RGS6: variants seen among roughly 807,000 people sequenced by gnomAD.
RGS6 encodes the protein regulator of G protein signaling 6.
Under a neutral mutation model 78.5 loss-of-function variants are expected in RGS6, and 30 were observed. The observed-to-expected ratio is 0.38, with a 90% CI of 0.29 to 0.52. The LOEUF is 0.52. Among genes scored for constraint, RGS6 ranks in the 20% least tolerant of loss-of-function variants. The probability of loss-of-function intolerance (pLI) is 0.85; values close to 1 mark genes in which losing one functional copy is unlikely to be tolerated. For synonymous variants in RGS6, 206 were observed against 206.0 expected (o/e 1.00, Z 0.00); for missense variants, 495 against 609.7 (o/e 0.81, Z 1.98).
At chr14:71,923,984 G>A in the RGS6 span, among the ~76,000 whole-genome samples, 7 of 152,208 alleles carry the variant, frequency 4.6e-5, no homozygotes, top group African/African-American at 2.4e-5. Flanking sequence ...GTAATCTGCC[G>A]AGGATTTTGT....
chr14:72,444,988 C>T (rs2095327026), intron 3 of RGS6, among the ~76,000 whole-genome samples: 1 of 132,012 alleles, frequency 7.6e-6, no homozygotes, highest in Admixed American at 8.0e-5. Context: ...GCCAGTTGAG[C>T]AGCGAGGACA....
chr14:72,327,931 A>G (rs181580781), intron 2 of RGS6, among the ~76,000 whole-genome samples: 1 of 152,268 alleles, frequency 6.6e-6, no homozygotes, highest in East Asian at 1.9e-4. Context: ...ATATATATAT[A>G]TAAGGATTTA....
chr14:72,075,574 A>G (rs1440774053), intron 2 of RGS6, among the ~76,000 whole-genome samples: 1 of 152,116 alleles, frequency 6.6e-6, no homozygotes, highest in Admixed American at 6.5e-5. Flanking sequence ...TATAAAAGAG[A>G]GGCAGTAAAG....
intron 7 of RGS6, among the ~76,000 whole-genome samples, chr14:72,468,545 G>A (rs967109332): frequency 1.3e-5 from 2 of 152,072 alleles, no homozygotes; most frequent in African/African-American, 4.8e-5. Context: ...AGCAAAGAAA[G>A]GAGAGAATAT....
chr14:72,629,186 T>G, the RGS6 span, among the ~76,000 whole-genome samples: 1 of 152,176 alleles, frequency 6.6e-6, no homozygotes, highest in East Asian at 1.9e-4. Context: ...TAGTTACAGG[T>G]AAAAATGATA....
intron 15 of RGS6, among the ~76,000 whole-genome samples, chr14:72,525,693 C>G (rs573926254): frequency 6.1e-4 from 93 of 152,338 alleles, no homozygotes; most frequent in Admixed American, 2.6e-3. Flanking sequence ...AGCTGTTCAT[C>G]TTTGCTCCAG....
At chr14:72,451,602 G>A (rs1026675666) in intron 3 of RGS6, among the ~76,000 whole-genome samples, 5 of 152,096 alleles carry the variant, frequency 3.3e-5, no homozygotes, top group East Asian at 3.9e-4. Flanking sequence ...GGGAAAGGAA[G>A]GGCTGTCATT....
chr14:72,197,429 T>C (rs1035386400), intron 2 of RGS6, among the ~76,000 whole-genome samples: 1 of 152,096 alleles, frequency 6.6e-6, no homozygotes, highest in South Asian at 2.1e-4. Flanking sequence ...TCATTATAAA[T>C]GTCTGCCTCA....
chr14:72,524,369 C>T (rs1443276547), intron 15 of RGS6, among the ~76,000 whole-genome samples: 1 of 152,184 alleles, frequency 6.6e-6, no homozygotes. Flanking sequence ...AGTTCTGAAC[C>T]CTGGGGCATG....
the RGS6 span, among the ~76,000 whole-genome samples, chr14:72,624,333 C>CTTTTTT: frequency 1.3e-3 from 130 of 97,786 alleles, 2 homozygotes; most frequent in Non-Finnish European, 2.1e-3. Context: ...ACCTATGTCT[C>CTTTTTT]TTTTTTTTTT....
chr14:71,976,847 A>G (rs1368251234), intron 2 of RGS6, among the ~76,000 whole-genome samples: 1 of 148,128 alleles, frequency 6.8e-6, no homozygotes, highest in African/African-American at 2.5e-5. Context: ...ACTGACTTCC[A>G]CAATGGTTGA....
intron 4 of RGS6, among the ~76,000 whole-genome samples, chr14:72,458,034 G>A (rs2095677067): frequency 6.6e-6 from 1 of 152,164 alleles, no homozygotes; most frequent in Non-Finnish European, 1.5e-5. Context: ...GTCAGGGTGA[G>A]GAGGGGTTAA....
At chr14:71,905,171 C>T in the RGS6 span, among the ~76,000 whole-genome samples, 115 of 152,290 alleles carry the variant, frequency 7.6e-4, no homozygotes, top group African/African-American at 2.7e-3. Context: ...CTTTTTCCAT[C>T]CATGGACAGC....
At chr14:72,521,580 A>C (rs2097042219) in intron 15 of RGS6, among the ~76,000 whole-genome samples, 1 of 152,252 alleles carries the variant, frequency 6.6e-6, no homozygotes, top group African/African-American at 2.4e-5. Flanking sequence ...TGTCTTAAGC[A>C]TCCCCATCTT....
intron 2 of RGS6, among the ~76,000 whole-genome samples, chr14:71,976,246 T>C (rs1386758149): frequency 6.6e-6 from 1 of 151,122 alleles, no homozygotes; most frequent in African/African-American, 2.4e-5. Flanking sequence ...CTTCTGTTTA[T>C]TTATTTTATT....
At chr14:72,321,876 A>G (rs847346) in intron 2 of RGS6, among the ~76,000 whole-genome samples, 35,439 of 151,932 alleles carry the variant, frequency 0.23, 4,358 homozygotes, top group South Asian at 0.38. Context: ...AGATGTCCAT[A>G]AAACGTTTCC....
chr14:72,064,698 A>C (rs61462939), intron 2 of RGS6, among the ~76,000 whole-genome samples: 291 of 152,344 alleles, frequency 1.9e-3, no homozygotes, highest in African/African-American at 6.5e-3. Flanking sequence ...AGGAGATAAA[A>C]CTGGAAGATA....
intron 2 of RGS6, among the ~76,000 whole-genome samples, chr14:72,327,884 G>A (rs188424515): frequency 1.1e-4 from 16 of 152,094 alleles, no homozygotes; most frequent in South Asian, 6.2e-4. Flanking sequence ...TAGGATTTAC[G>A]TTATATATAA....
chr14:72,624,410 C>T, the RGS6 span, among the ~76,000 whole-genome samples: 11 of 145,646 alleles, frequency 7.6e-5, no homozygotes, highest in African/African-American at 2.3e-4. Context: ...GCCATCTCGG[C>T]TCACTGCAGC....
Sources: gnomAD v4.1 joint callset for allele counts (sites outside exome capture counted in the v4.1 genomes callset) on GRCh38, gnomAD v4.1.1 for gene constraint, MANE v1.5 for transcripts, NCBI Gene and HGNC (gene_info 2026-07-23, HGNC 2026-07-21) for gene names.